Variants in SYT16 observed in about 807,000 individuals in gnomAD.
SYT16 encodes synaptotagmin 16, also known as synaptotagmin-16.
Under a neutral mutation model 61.4 loss-of-function variants are expected in SYT16, and 42 were observed. That is an observed-to-expected ratio of 0.68 (90% CI 0.53 to 0.89). The LOEUF is 0.89. Among genes scored for constraint, SYT16 ranks in the 40% least tolerant of loss-of-function variants. The pLI is 0.00. For missense variants in SYT16, 804 were observed against 807.3 expected, an observed-to-expected ratio of 1.00 and a Z score of 0.05; for synonymous variants, 314 against 302.3, an observed-to-expected ratio of 1.04 and a Z score of -0.40.
chr14:62,053,404 A>G (rs1376561998), intron 3 of SYT16, among the ~76,000 whole-genome samples: 1 of 152,216 alleles, frequency 6.6e-6, no homozygotes, highest in Non-Finnish European at 1.5e-5. Context: ...TCAGACCTTC[A>G]AAGTCAGACT....
At chr14:62,030,091 G>A (rs1172966193) in intron 3 of SYT16, among the ~76,000 whole-genome samples, 1 of 152,174 alleles carries the variant, frequency 6.6e-6, no homozygotes, top group East Asian at 1.9e-4. Context: ...AGAGGCATCA[G>A]GAGATAGCAC....
At chr14:62,003,940 A>G (rs1177989527) in intron 3 of SYT16, among the ~76,000 whole-genome samples, 1 of 152,142 alleles carries the variant, frequency 6.6e-6, no homozygotes, top group Admixed American at 6.6e-5. Flanking sequence ...TTCCACCTGG[A>G]GGAAATGTCG....
intron 7 of SYT16, among the ~76,000 whole-genome samples, chr14:62,094,894 T>G (rs1217215644): frequency 1.3e-5 from 2 of 151,928 alleles, no homozygotes; most frequent in South Asian, 4.1e-4. Context: ...ATTTTTCCAT[T>G]CTCATCTAAT....
At chr14:61,826,725 A>G (rs1382599831) in intron 1 of SYT16, among the ~76,000 whole-genome samples, 2 of 151,974 alleles carry the variant, frequency 1.3e-5, no homozygotes, top group Admixed American at 6.5e-5. Flanking sequence ...TGCATTGGTC[A>G]GCTGGGACTC....
chr14:62,089,935 C>T (rs546105272), intron 7 of SYT16, among the ~76,000 whole-genome samples: 2 of 152,302 alleles, frequency 1.3e-5, no homozygotes, highest in East Asian at 1.9e-4. Flanking sequence ...TTTGGCTTCA[C>T]GGGAAAGCAA....
At chr14:62,038,434 T>A (rs964981210) in intron 3 of SYT16, among the ~76,000 whole-genome samples, 7 of 151,860 alleles carry the variant, frequency 4.6e-5, no homozygotes, top group Non-Finnish European at 1.0e-4. Context: ...TGTTTAGAGC[T>A]GGCAGAGTGG....
chr14:61,920,801 G>A (rs903662112), intron 1 of SYT16, among the ~76,000 whole-genome samples: 14 of 152,244 alleles, frequency 9.2e-5, no homozygotes, highest in South Asian at 6.2e-4. Context: ...TTATAACACC[G>A]TCGTGAATTA....
intron 2 of SYT16, among the ~76,000 whole-genome samples, chr14:61,971,919 T>G (rs2051577012): frequency 6.6e-6 from 1 of 152,170 alleles, no homozygotes; most frequent in Non-Finnish European, 1.5e-5. Context: ...CATAGGTGAG[T>G]GAGACGAACA....
At chr14:62,034,915 G>A (rs4899064) in intron 3 of SYT16, among the ~76,000 whole-genome samples, 57,759 of 152,004 alleles carry the variant, frequency 0.38, 11,752 homozygotes, top group East Asian at 0.53. Context: ...AACAAAAACT[G>A]TTCCAGTTGA....
At chr14:61,924,121 A>G (rs540319683) in intron 1 of SYT16, among the ~76,000 whole-genome samples, 1 of 152,374 alleles carries the variant, frequency 6.6e-6, no homozygotes, top group South Asian at 2.1e-4. Context: ...CATAGTAGAC[A>G]GTCCCTTTAA....
At chr14:62,041,897 T>A (rs2054746347) in intron 3 of SYT16, among the ~76,000 whole-genome samples, 1 of 152,196 alleles carries the variant, frequency 6.6e-6, no homozygotes, top group Admixed American at 6.5e-5. Flanking sequence ...TCACTAGTCT[T>A]TTATTCTGCA....
chr14:62,083,411 A>G (rs957790580), intron 6 of SYT16, among the ~76,000 whole-genome samples: 1 of 152,120 alleles, frequency 6.6e-6, no homozygotes, highest in Non-Finnish European at 1.5e-5. Context: ...CTTGAGGGAC[A>G]ATCAGTGTCC....
At chr14:62,089,469 C>A (rs2057001300) in intron 7 of SYT16, among the ~76,000 whole-genome samples, 1 of 151,612 alleles carries the variant, frequency 6.6e-6, no homozygotes, top group South Asian at 2.1e-4. Context: ...GTCTATCAAT[C>A]ATCTTTTGGT....
rs543142382 is a variant in SYT16, at chr14:62,107,977, C to G, written c.*7270C>G. The stretch of plus-strand genomic sequence containing the variant: ...TGTGTTTTAATAGTCAAAGGCATTG[C>G]TACCCTTTGCTTTTTGAAAGAGTGA... On this transcript the variant is annotated 3_prime_UTR_variant, in exon 8 of 8. Transcript: ENST00000683842. 2.6e-4 allele frequency: 40 copies of G among 152,304 alleles called. No homozygotes were observed. Among genetic ancestry groups the G allele is most frequent in the African/African-American group, 8.7e-4 (36 of 41,570 alleles). The allele number at this position is 152,304 out of a possible 1,614,324, so 9.4% of individuals were successfully genotyped here. A position where few individuals can be genotyped will look rare whatever the true frequency, so the allele number is the denominator to read the frequency against.
chr14:62,016,016 C>A (rs912692879), intron 3 of SYT16, among the ~76,000 whole-genome samples: 1 of 152,132 alleles, frequency 6.6e-6, no homozygotes, highest in South Asian at 2.1e-4. Context: ...ACAGGTGTGG[C>A]TAACATGGTA....
intron 3 of SYT16, among the ~76,000 whole-genome samples, chr14:62,025,731 G>T (rs576280021): frequency 3.0e-4 from 45 of 151,210 alleles, no homozygotes; most frequent in Middle Eastern, 3.4e-3. Context: ...GTTTCATTTT[G>T]GGGGGTGCTA....
chr14:62,006,862 G>T (rs2053245734), intron 3 of SYT16, among the ~76,000 whole-genome samples: 1 of 152,042 alleles, frequency 6.6e-6, no homozygotes, highest in Non-Finnish European at 1.5e-5. Context: ...CAAGAAATAT[G>T]CTCACTATTT....
chr14:61,829,200 C>T (rs1427944000), intron 1 of SYT16, among the ~76,000 whole-genome samples: 1 of 152,084 alleles, frequency 6.6e-6, no homozygotes, highest in Non-Finnish European at 1.5e-5. Context: ...AAGTATAAAT[C>T]TATTAATATA....
intron 1 of SYT16, among the ~76,000 whole-genome samples, chr14:61,868,177 A>G (rs1190615794): frequency 6.6e-6 from 1 of 151,966 alleles, no homozygotes; most frequent in Non-Finnish European, 1.5e-5. Flanking sequence ...TAGTCTGGGA[A>G]GGATTTAAAG....
Sources: gnomAD v4.1 joint callset for allele counts (sites outside exome capture counted in the v4.1 genomes callset) on GRCh38, gnomAD v4.1.1 for gene constraint, MANE v1.5 for transcripts, NCBI Gene and HGNC (gene_info 2026-07-23, HGNC 2026-07-21) for gene names.